Variants in PMM2 observed in about 807,000 individuals in gnomAD.
PMM2 encodes phosphomannomutase 2, also known as mannose-6-phosphate isomerase.
In PMM2, 35 loss-of-function variants were observed where a neutral mutation model predicts 33.2. The observed-to-expected ratio is 1.06, with a 90% CI of 0.81 to 1.40. The LOEUF (loss-of-function observed/expected upper bound fraction) is 1.40, where lower values mean the gene tolerates loss of function less well. PMM2 is among the 40% of genes most tolerant of loss of function. The pLI is 0.00. For synonymous variants in PMM2, 153 were observed against 114.7 expected (o/e 1.33, Z -2.13); for missense variants, 386 against 306.0 (o/e 1.26, Z -1.95).
At chr16:8,827,497 G>C (rs2060776087) in intron 7 of PMM2, among the ~76,000 whole-genome samples, 1 of 150,368 alleles carries the variant, frequency 6.7e-6, no homozygotes, top group South Asian at 2.1e-4. Flanking sequence ...CCGGGTTCAA[G>C]TGATTCTCGT....
chr16:8,842,247 A>T (rs2060895450), intron 7 of PMM2: 1 of 152,374 alleles, frequency 6.6e-6, no homozygotes. Flanking sequence ...ACAGATGAGG[A>T]TGAAATTTGA....
chr16:8,806,339 G>T lies in PMM2; in HGVS notation c.279G>T (p.Glu93Asp), dbSNP rs781151708. 3.1e-6 allele frequency: 5 copies of T among 1,608,742 alleles called. No homozygotes were observed. Among genetic ancestry groups the T allele is most frequent in the Non-Finnish European group, 4.3e-6 (5 of 1,175,142 alleles). Residue 93 changes from glutamate (E) to aspartate (D), a missense_variant, in exon 4 of 8, where the codon GAG (glutamate) becomes GAT (aspartate). Glu to Asp is a conservative substitution (Grantham distance 45, BLOSUM62 2). Coordinates refer to ENST00000268261, the MANE Select transcript of PMM2 (RefSeq NM_000303.3). Reference sequence around the variant, plus strand: ...AGAATATTCAAAGTCATCTGGGTGAGGCCCTAATCCAAGATTTAATCAACT... The same window carrying T: ...AGAATATTCAAAGTCATCTGGGTGATGCCCTAATCCAAGATTTAATCAACT... ...CRQNIQSHLG[E>D]ALIQDLINYC... is the part of the protein sequence containing the mutation.
At chr16:8,808,502 C>T (rs1219905407) in intron 4 of PMM2, 1 of 152,224 alleles carries the variant, frequency 6.6e-6, no homozygotes, top group South Asian at 2.1e-4. Context: ...TGAGACCCAC[C>T]TTGATCCACA....
chr16:8,806,755 C>G (rs2060650604), intron 4 of PMM2: 1 of 322,552 alleles, frequency 3.1e-6, no homozygotes, highest in African/African-American at 2.1e-5. Context: ...GATGGCTTAT[C>G]CACATGATGG....
intron 7 of PMM2, among the ~76,000 whole-genome samples, chr16:8,825,171 C>T (rs2141032065): frequency 6.6e-6 from 1 of 152,256 alleles, no homozygotes; most frequent in African/African-American, 2.4e-5. Flanking sequence ...GCTGGGACTA[C>T]AGGCGTGTGC....
chr16:8,815,217 T>C (rs1375548358), intron 7 of PMM2, among the ~76,000 whole-genome samples: 3 of 128,886 alleles, frequency 2.3e-5, no homozygotes, highest in Admixed American at 7.7e-5. Flanking sequence ...ATATTTTCTT[T>C]CTTTTTTTTT....
At chr16:8,823,461 C>G (rs2060749438) in intron 7 of PMM2, among the ~76,000 whole-genome samples, 1 of 152,134 alleles carries the variant, frequency 6.6e-6, no homozygotes, top group African/African-American at 2.4e-5. Context: ...ACTTTTTTCC[C>G]TCTCCCATCC....
At chr16:8,800,470 A>G (rs920362919) in intron 1 of PMM2, among the ~76,000 whole-genome samples, 1 of 151,850 alleles carries the variant, frequency 6.6e-6, no homozygotes, top group African/African-American at 2.4e-5. Context: ...ATGTAGGGCT[A>G]TTTTTTCATC....
Position 8,804,752 on chromosome 16 carries a change from T to TG in PMM2, c.179-13dup. On this transcript the variant is annotated splice_polypyrimidine_tract_variant and intron_variant, in intron 2 of 7. Transcript: ENST00000268261. ...ATTCTTTGCATTCTAAGTGTTTTTT[T>TG]GGTTTTGATTGTAGTGGTTGAAAAA... 1 of 1,595,586 alleles carries TG rather than the reference T, an allele frequency of 6.3e-7. No homozygotes were observed. The highest frequency in any genetic ancestry group is 1.7e-5 in the Admixed American group (1 of 59,990).
At chr16:8,831,925 TC>T (rs1440242106) in intron 7 of PMM2, among the ~76,000 whole-genome samples, 2 of 152,172 alleles carry the variant, frequency 1.3e-5, no homozygotes, top group Non-Finnish European at 2.9e-5. Flanking sequence ...CCTCCCCCCT[TC>T]CCTCCCTTCT....
chr16:8,801,473 C>G (rs922605619), intron 1 of PMM2, among the ~76,000 whole-genome samples: 2 of 152,138 alleles, frequency 1.3e-5, no homozygotes, highest in Admixed American at 6.5e-5. Flanking sequence ...GAGTTCCAGA[C>G]TGGCCTGGGC....
intron 7 of PMM2, among the ~76,000 whole-genome samples, chr16:8,828,026 T>G (rs2060788018): frequency 5.1e-4 from 1 of 1,960 alleles, no homozygotes; most frequent in Admixed American, 1.7e-3. Context: ...TGTAGAACTC[T>G]TTTTTTTTTT....
At chr16:8,842,681 C>T (rs1023286597) in intron 7 of PMM2, among the ~76,000 whole-genome samples, 4 of 152,168 alleles carry the variant, frequency 2.6e-5, no homozygotes, top group Non-Finnish European at 5.9e-5. Context: ...GTTGATAAGG[C>T]GCAGATCCTG....
intron 4 of PMM2, chr16:8,810,417 A>G (rs1334336536): frequency 6.6e-6 from 1 of 152,380 alleles, no homozygotes; most frequent in East Asian, 1.9e-4. Flanking sequence ...ATTAACCACA[A>G]AATTATCTGC....
At chr16:8,817,041 C>T (rs958123510) in intron 7 of PMM2, among the ~76,000 whole-genome samples, 1 of 152,170 alleles carries the variant, frequency 6.6e-6, no homozygotes, top group African/African-American at 2.4e-5. Flanking sequence ...GCTTCAGCCT[C>T]CCAAGTAGCT....
chr16:8,821,018 G>T (rs917470780), intron 7 of PMM2, among the ~76,000 whole-genome samples: 1 of 152,034 alleles, frequency 6.6e-6, no homozygotes, highest in African/African-American at 2.4e-5. Context: ...ACTTAACCAT[G>T]CCTAGCATCT....
At chr16:8,812,369 G>T (rs1251513257) in intron 6 of PMM2, among the ~76,000 whole-genome samples, 1 of 151,880 alleles carries the variant, frequency 6.6e-6, no homozygotes, top group East Asian at 1.9e-4. Flanking sequence ...CAGTGCTAAT[G>T]AGTCATTGCT....
chr16:8,847,983 G>A lies in PMM2; in HGVS notation c.*158G>A, dbSNP rs534113793. On this transcript the variant is annotated 3_prime_UTR_variant, in exon 8 of 8. Coordinates refer to ENST00000268261, the MANE Select transcript of PMM2 (RefSeq NM_000303.3). ...TGCAGTCTGGACTTCCACCTCCAGT[G>A]CCAGAAACTTCCAGAAGGAAGGAGA... 7.9e-6 allele frequency: 5 copies of A among 629,810 alleles called. No individual in the cohort carries two copies. Among genetic ancestry groups the A allele is most frequent in the African/African-American group, 1.8e-5 (1 of 55,362 alleles). 39.0% of individuals were successfully genotyped at this position (629,810 alleles called of 1,614,324 possible).
At chr16:8,835,835 A>C (rs2060842177) in intron 7 of PMM2, among the ~76,000 whole-genome samples, 1 of 151,930 alleles carries the variant, frequency 6.6e-6, no homozygotes, top group African/African-American at 2.4e-5. Flanking sequence ...TTGGTTGCCA[A>C]GGAGGGAGTA....
Sources: gnomAD v4.1 joint callset for allele counts (sites outside exome capture counted in the v4.1 genomes callset) on GRCh38, gnomAD v4.1.1 for gene constraint, MANE v1.5 for transcripts, NCBI Gene and HGNC (gene_info 2026-07-23, HGNC 2026-07-21) for gene names.